The following SYNPO2 variants were observed in gnomAD, a reference collection of about 807,000 sequenced individuals.
SYNPO2 encodes the protein synaptopodin-2.
SYNPO2 carries 56 observed loss-of-function variants against 85.0 expected under a neutral mutation model. The ratio of observed to expected loss-of-function variants is 0.66; its 90% CI spans 0.53 to 0.82. The LOEUF is 0.82. Among genes scored for constraint, SYNPO2 ranks in the 40% least tolerant of loss-of-function variants. The probability of loss-of-function intolerance (pLI) is 0.00; values close to 1 mark genes in which losing one functional copy is unlikely to be tolerated. For synonymous variants in SYNPO2, 602 were observed against 591.1 expected (o/e 1.02, Z -0.27); for missense variants, 1,575 against 1,534.2 (o/e 1.03, Z -0.44).
At position 119,025,880 on chromosome 4, in the gene SYNPO2, T is replaced by C. The variant is rs551327880; in HGVS notation, c.258-747T>C. Reference sequence around the variant, plus strand: ...GCACAGACAACTGGGAAGATCAAAATCAAAGAGCTGTGGTGTACAGCTCTA... The same window carrying C: ...GCACAGACAACTGGGAAGATCAAAACCAAAGAGCTGTGGTGTACAGCTCTA... On this transcript the variant is annotated intron_variant, in intron 2 of 4. Transcript: ENST00000307142. 5.4e-3 allele frequency among the ~76,000 whole-genome samples: 820 copies of C among 152,182 alleles called. 7 individuals are homozygous for C. The highest frequency in any genetic ancestry group is 0.031 in the East Asian group (161 of 5,176).
At chr4:118,975,328 G>T (rs1342283147) in intron 1 of SYNPO2, among the ~76,000 whole-genome samples, 1 of 152,198 alleles carries the variant, frequency 6.6e-6, no homozygotes, top group Non-Finnish European at 1.5e-5. Context: ...TAGAGTTTGG[G>T]CACCTATGGC....
At chr4:118,891,531 G>A (rs1732380464) in intron 1 of SYNPO2, among the ~76,000 whole-genome samples, 1 of 152,254 alleles carries the variant, frequency 6.6e-6, no homozygotes, top group Non-Finnish European at 1.5e-5. Context: ...TTATTTGTGG[G>A]AGAAATCCCT....
upstream of SYNPO2, among the ~76,000 whole-genome samples, chr4:118,887,166 A>AGTGT (rs71595329): frequency 0.043 from 6,014 of 139,034 alleles, 259 homozygotes; most frequent in Admixed American, 0.091. Flanking sequence ...CATCTGAGTG[A>AGTGT]GTGTGTGTGT....
At chr4:118,946,181 G>C (rs1734497700) in intron 1 of SYNPO2, among the ~76,000 whole-genome samples, 1 of 152,246 alleles carries the variant, frequency 6.6e-6, no homozygotes, top group South Asian at 2.1e-4. Flanking sequence ...AAAAAAGGGA[G>C]GACGACTTAT....
chr4:119,030,926 A>G lies in SYNPO2; in HGVS notation c.2151A>G (p.Ser717=). ...NPELLSLLQN[S]EGKRGTGAGG... is the part of the protein sequence containing the mutation. Reference sequence around the variant, plus strand: ...AACTCTTGTCACTCCTTCAAAATTCAGAAGGCAAACGGGGCACTGGAGCTG... The same window carrying G: ...AACTCTTGTCACTCCTTCAAAATTCGGAAGGCAAACGGGGCACTGGAGCTG... The change falls in exon 4 of 5, where the codon TCA becomes TCG. Residue 717 remains serine (S), a synonymous_variant. Coordinates refer to ENST00000307142, the MANE Select transcript of SYNPO2 (RefSeq NM_133477.3). 1.9e-6 allele frequency: 3 copies of G among 1,614,236 alleles called. No homozygotes were observed. Among genetic ancestry groups the G allele is most frequent in the Non-Finnish European group, 1.7e-6 (2 of 1,180,038 alleles).
At chr4:118,940,693 T>C (rs1006075105) in intron 1 of SYNPO2, among the ~76,000 whole-genome samples, 1 of 152,072 alleles carries the variant, frequency 6.6e-6, no homozygotes, top group Non-Finnish European at 1.5e-5. Context: ...AAAGAAGCAA[T>C]GCTTGGGGCT....
chr4:118,890,222 T>C (rs1732317835), intron 1 of SYNPO2, among the ~76,000 whole-genome samples: 1 of 152,092 alleles, frequency 6.6e-6, no homozygotes, highest in Non-Finnish European at 1.5e-5. Context: ...AAACTCCTTT[T>C]TGCTTCCAGG....
intron 1 of SYNPO2, among the ~76,000 whole-genome samples, chr4:118,861,206 G>T (rs1731604168): frequency 6.6e-6 from 1 of 152,106 alleles, no homozygotes; most frequent in Admixed American, 6.5e-5. Flanking sequence ...TGTCACCCAG[G>T]CTGGAGTGCG....
At chr4:118,903,447 A>G in intron 1 of SYNPO2, among the ~76,000 whole-genome samples, 1 of 152,212 alleles carries the variant, frequency 6.6e-6, no homozygotes. Context: ...TTCAAAAATT[A>G]AGAAGAGCAG....
At chr4:118,902,770 A>T (rs1379350993) in intron 1 of SYNPO2, among the ~76,000 whole-genome samples, 1 of 152,150 alleles carries the variant, frequency 6.6e-6, no homozygotes, top group Non-Finnish European at 1.5e-5. Flanking sequence ...TGTCGAGGAG[A>T]ATTTTAATAC....
chr4:119,003,884 CAG>C (rs1208730953), intron 1 of SYNPO2, among the ~76,000 whole-genome samples: 1 of 152,112 alleles, frequency 6.6e-6, no homozygotes, highest in Non-Finnish European at 1.5e-5. Context: ...TCCGGGAGCC[CAG>C]ATACGACATG....
intron 1 of SYNPO2, among the ~76,000 whole-genome samples, chr4:118,905,061 G>A (rs1205542058): frequency 6.6e-6 from 1 of 152,190 alleles, no homozygotes; most frequent in African/African-American, 2.4e-5. Flanking sequence ...TGGTCAGGGA[G>A]AGGAAGTTCA....
intron 1 of SYNPO2, among the ~76,000 whole-genome samples, chr4:118,864,552 C>G (rs1179621166): frequency 6.6e-6 from 1 of 152,118 alleles, no homozygotes; most frequent in African/African-American, 2.4e-5. Flanking sequence ...AAGTCTCCAG[C>G]TATTGTTGTA....
chr4:119,021,069 T>G (rs1243335298), intron 1 of SYNPO2, among the ~76,000 whole-genome samples: 1 of 152,214 alleles, frequency 6.6e-6, no homozygotes, highest in Non-Finnish European at 1.5e-5. Flanking sequence ...AATTAGTATA[T>G]TCTTCCCCAA....
At chr4:119,014,665 A>G (rs1459787543) in intron 1 of SYNPO2, among the ~76,000 whole-genome samples, 1 of 152,252 alleles carries the variant, frequency 6.6e-6, no homozygotes, top group Non-Finnish European at 1.5e-5. Context: ...GAGTCTAAAC[A>G]GTTCCTAAGA....
chr4:118,892,404 G>A (rs1029877041), intron 1 of SYNPO2, among the ~76,000 whole-genome samples: 4 of 152,146 alleles, frequency 2.6e-5, no homozygotes, highest in African/African-American at 9.7e-5. Flanking sequence ...ACTCTGCAAA[G>A]TATATTTTCA....
chr4:118,867,182 T>C, intron 1 of SYNPO2, among the ~76,000 whole-genome samples: 1 of 152,196 alleles, frequency 6.6e-6, no homozygotes, highest in East Asian at 1.9e-4. Flanking sequence ...GGCCATAGTT[T>C]GCGAACGTTT....
chr4:118,894,239 C>G (rs1323473612), intron 1 of SYNPO2, among the ~76,000 whole-genome samples: 1 of 151,996 alleles, frequency 6.6e-6, no homozygotes, highest in East Asian at 1.9e-4. Context: ...CACTGCCTCT[C>G]TCCTAGTCAA....
At chr4:118,977,307 A>G (rs1461939656) in intron 1 of SYNPO2, among the ~76,000 whole-genome samples, 1 of 152,224 alleles carries the variant, frequency 6.6e-6, no homozygotes, top group African/African-American at 2.4e-5. Flanking sequence ...TAAGTCCCCC[A>G]TTGCCCGAGG....
Sources: gnomAD v4.1 joint callset for allele counts (sites outside exome capture counted in the v4.1 genomes callset) on GRCh38, gnomAD v4.1.1 for gene constraint, MANE v1.5 for transcripts, NCBI Gene and HGNC (gene_info 2026-07-23, HGNC 2026-07-21) for gene names.